The following MB21D2 variants were observed in gnomAD, a reference collection of about 807,000 sequenced individuals.
MB21D2 encodes the protein Mab-21 domain containing 2, also known as nucleotidyltransferase MB21D2.
Under a neutral mutation model 33.3 loss-of-function variants are expected in MB21D2, and 9 were observed. The observed-to-expected ratio is 0.27, with a 90% confidence interval of 0.16 to 0.47. The LOEUF (loss-of-function observed/expected upper bound fraction) is 0.47, where lower values mean the gene tolerates loss of function less well. Among genes scored for constraint, MB21D2 ranks in the 20% least tolerant of loss-of-function variants. The pLI, the probability that MB21D2 is intolerant of heterozygous loss-of-function variation, is 0.99. For missense variants in MB21D2, 540 were observed against 624.6 expected (o/e 0.86, Z 1.44); for synonymous variants, 241 against 236.3 (o/e 1.02, Z -0.18).
intron 1 of MB21D2, among the ~76,000 whole-genome samples, chr3:192,895,290 G>C (rs1713942060): frequency 6.6e-6 from 1 of 152,286 alleles, no homozygotes; most frequent in African/African-American, 2.4e-5. Context: ...AGACTTTCAA[G>C]AGGGAGTTCC....
intron 1 of MB21D2, among the ~76,000 whole-genome samples, chr3:192,890,410 T>C (rs914519695): frequency 3.9e-5 from 6 of 151,972 alleles, no homozygotes; most frequent in African/African-American, 1.2e-4. Flanking sequence ...AGACACCAAA[T>C]AAACAAAGAG....
At chr3:192,905,024 G>A (rs953083875) in intron 1 of MB21D2, among the ~76,000 whole-genome samples, 1 of 152,224 alleles carries the variant, frequency 6.6e-6, no homozygotes, top group African/African-American at 2.4e-5. Flanking sequence ...GCACACCAAG[G>A]GCACAGTTGA....
intron 1 of MB21D2, among the ~76,000 whole-genome samples, chr3:192,899,101 G>A (rs1314890541): frequency 6.6e-6 from 1 of 152,164 alleles, no homozygotes; most frequent in East Asian, 1.9e-4. Context: ...TATAATGCAA[G>A]GCCAGTACCT....
intron 1 of MB21D2, among the ~76,000 whole-genome samples, chr3:192,876,540 G>A (rs1380295009): frequency 6.6e-6 from 1 of 152,126 alleles, no homozygotes; most frequent in African/African-American, 2.4e-5. Context: ...AGCCACAGTG[G>A]TTGGTCTTCC....
rs548140480 is a variant in MB21D2 at position 192,822,043 on chromosome 3, A to C, written c.212-22393T>G. Reference sequence around the variant, plus strand: ...CAGGCATTATTTGAAATATCTTTACATGGAAATACGTGATCTGATTCTAAA... The same window carrying C: ...CAGGCATTATTTGAAATATCTTTACCTGGAAATACGTGATCTGATTCTAAA... On this transcript the variant is annotated intron_variant, in intron 1 of 1. Coordinates refer to ENST00000392452, the MANE Select transcript of MB21D2 (RefSeq NM_178496.4). Among the ~76,000 whole-genome samples, 44 of 152,270 alleles carry C rather than the reference A, an allele frequency of 2.9e-4. 1 individual carries two copies. Among genetic ancestry groups the C allele is most frequent in the African/African-American group, 1.0e-3 (42 of 41,546 alleles).
At chr3:192,820,437 G>C (rs1712020748) in intron 1 of MB21D2, among the ~76,000 whole-genome samples, 1 of 152,130 alleles carries the variant, frequency 6.6e-6, no homozygotes, top group Admixed American at 6.6e-5. Flanking sequence ...CTGTGTTGCA[G>C]GGAAAGGACT....
chr3:192,853,944 T>C (rs761652319), intron 1 of MB21D2, among the ~76,000 whole-genome samples: 1 of 152,238 alleles, frequency 6.6e-6, no homozygotes, highest in African/African-American at 2.4e-5. Flanking sequence ...ATCACACTCA[T>C]AGTGTGTTCT....
intron 1 of MB21D2, among the ~76,000 whole-genome samples, chr3:192,886,956 A>C (rs1331359320): frequency 6.6e-6 from 1 of 151,824 alleles, no homozygotes; most frequent in South Asian, 2.1e-4. Context: ...CAAAGTCTTC[A>C]TTTAAAATCC....
chr3:192,906,831 T>C (rs1714225528), intron 1 of MB21D2, among the ~76,000 whole-genome samples: 4 of 152,214 alleles, frequency 2.6e-5, no homozygotes, highest in Admixed American at 2.6e-4. Context: ...TGCCAACATA[T>C]GTTGAATGAA....
intron 1 of MB21D2, among the ~76,000 whole-genome samples, chr3:192,808,640 C>T (rs1477660146): frequency 6.6e-6 from 1 of 152,198 alleles, no homozygotes; most frequent in Non-Finnish European, 1.5e-5. Flanking sequence ...GTATAGATGT[C>T]TTCCGAGGTG....
rs55749042 is a variant in MB21D2 at position 192,916,098 on chromosome 3, T to TTATATATATATA, written c.211+1520_211+1531dup. Among the ~76,000 whole-genome samples the TTATATATATATA allele has an allele frequency of 1.8e-3, 252 of 139,146 alleles. 4 individuals carry two copies. Among genetic ancestry groups the TTATATATATATA allele is most frequent in the African/African-American group, 5.6e-3 (198 of 35,300 alleles). 91.3% of individuals were successfully genotyped at this position (139,146 alleles called of 152,430 possible). A position where few individuals can be genotyped will look rare whatever the true frequency, so the allele number is the denominator to read the frequency against. The stretch of plus-strand genomic sequence containing the variant: ...TGTGGAAGCTCACTCCTACCAGGTT[T>TTATATATATATA]TATATATATATATATATATATATTT... On this transcript the variant is annotated intron_variant, in intron 1 of 1. Transcript: ENST00000392452.
chr3:192,864,132 T>G (rs1327542150), intron 1 of MB21D2, among the ~76,000 whole-genome samples: 1 of 152,196 alleles, frequency 6.6e-6, no homozygotes, highest in Non-Finnish European at 1.5e-5. Flanking sequence ...AAGCTTTCTG[T>G]AAAGTTTACA....
chr3:192,900,148 G>A (rs1577201227), intron 1 of MB21D2, among the ~76,000 whole-genome samples: 1 of 151,910 alleles, frequency 6.6e-6, no homozygotes, highest in South Asian at 2.1e-4. Context: ...GCCAGGCGTC[G>A]TGGCGGGCGC....
intron 1 of MB21D2, among the ~76,000 whole-genome samples, chr3:192,897,546 G>A (rs987103826): frequency 1.2e-4 from 18 of 152,134 alleles, no homozygotes; most frequent in Non-Finnish European, 2.2e-4. Context: ...AGGAAATCAC[G>A]TCTAGTTCTT....
At chr3:192,902,454 T>C (rs1714123660) in intron 1 of MB21D2, among the ~76,000 whole-genome samples, 2 of 152,192 alleles carry the variant, frequency 1.3e-5, no homozygotes, top group South Asian at 4.1e-4. Flanking sequence ...GTACTCTCCT[T>C]ACAGGACTGT....
chr3:192,899,932 G>C (rs1473634737), intron 1 of MB21D2, among the ~76,000 whole-genome samples: 4 of 148,144 alleles, frequency 2.7e-5, no homozygotes, highest in African/African-American at 1.0e-4. Context: ...TTGTCAAAGA[G>C]GCAGTCAAGA....
At position 192,880,169 on chromosome 3, in the gene MB21D2, C is replaced by G. The variant is rs147296994; in HGVS notation, c.211+37461G>C. Among the ~76,000 whole-genome samples, 8 of 151,972 alleles carry G rather than the reference C, an allele frequency of 5.3e-5. No homozygotes were observed. The East Asian group carries it at 1.6e-3, about 30-fold the overall frequency. On this transcript the variant is annotated intron_variant, in intron 1 of 1. Coordinates refer to ENST00000392452, the MANE Select transcript of MB21D2 (RefSeq NM_178496.4). ...ACCACCCTGACCAACATAGTGAAAC[C>G]CTGTCTCTACTAAAAATACAAAAAA...
At chr3:192,896,249 A>G (rs1189064792) in intron 1 of MB21D2, among the ~76,000 whole-genome samples, 1 of 152,218 alleles carries the variant, frequency 6.6e-6, no homozygotes, top group Non-Finnish European at 1.5e-5. Flanking sequence ...TAGTTTGCCC[A>G]AGGTCACACA....
intron 1 of MB21D2, among the ~76,000 whole-genome samples, chr3:192,824,932 CTCAA>C (rs1712142402): frequency 6.6e-6 from 1 of 152,184 alleles, no homozygotes; most frequent in Non-Finnish European, 1.5e-5. Flanking sequence ...TCTTCTTCCT[CTCAA>C]TCTTTACCTT....
Sources: allele counts gnomAD v4.1 joint callset (sites outside exome capture counted in the v4.1 genomes callset), GRCh38; gene constraint gnomAD v4.1.1; transcripts MANE v1.5; gene names NCBI Gene and HGNC (gene_info 2026-07-23, HGNC 2026-07-21).